ASPM: variants seen among roughly 807,000 people sequenced by gnomAD.
ASPM encodes abnormal spindle-like microcephaly-associated protein.
In ASPM, 256 loss-of-function variants were observed where a neutral mutation model predicts 366.4. That is an observed-to-expected ratio of 0.70 (90% CI 0.63 to 0.77). The LOEUF (loss-of-function observed/expected upper bound fraction) is 0.77. Among genes scored for constraint, ASPM ranks in the 30% least tolerant of loss-of-function variants. The pLI is 0.00. For missense variants in ASPM, 4,146 were observed against 4,090.4 expected (o/e 1.01, Z -0.37); for synonymous variants, 1,414 against 1,342.9 (o/e 1.05, Z -1.16).
In ASPM at chr1:197,089,982, G is replaced by C; in HGVS notation, c.9932C>G (p.Pro3311Arg). 6.2e-7 allele frequency: 1 copy of C among 1,613,196 alleles called. No homozygotes were observed. The highest frequency in any genetic ancestry group is 1.1e-5 in the South Asian group (1 of 91,060). ...AGCATATCTGATGACTTCCATACAA[G>C]GAATACTGCGATTACAACTTCGGAT... ...VLIRSCNRSI[P>R]CMEVIRYAVQ... The change falls in exon 25 of 28, where the codon CCT becomes CGT. Residue 3311 changes from proline to arginine, a missense_variant. Around this residue, in one of 3 missense-constraint regions of ASPM, gnomAD observed 3,624 missense variants for 3,591.7 expected, o/e 1.01. Transcript: ENST00000367409.
chr1:197,101,861 T>C lies in ASPM; in HGVS notation c.7390A>G (p.Ile2464Val). The change falls in exon 18 of 28, where the codon ATA (isoleucine) becomes GTA (valine). Residue 2464 changes from isoleucine to valine, a missense_variant. Ile to Val is a conservative substitution (Grantham distance 29). Around this residue, in one of 3 missense-constraint regions of ASPM, gnomAD observed 3,624 missense variants for 3,591.7 expected, o/e 1.01. Coordinates refer to ENST00000367409, the MANE Select transcript of ASPM (RefSeq NM_018136.5). ...ATCAGTCTTCTGTAAGATGACTGTA[T>C]TGTAATGGCTGCCTTTCTTAAGTGC... ...FLHLRKAAIT[I>V]QSSYRRLMVK... 2 of 1,612,856 alleles carry C rather than the reference T, an allele frequency of 1.2e-6. No individual in the cohort carries two copies. Among genetic ancestry groups the C allele is most frequent in the Non-Finnish European group, 1.7e-6 (2 of 1,179,314 alleles).
rs757095223 is a variant in ASPM at position 197,122,028 on chromosome 1, A to C, written c.3757T>G (p.Leu1253Val). 6 of 1,612,400 alleles carry C rather than the reference A, an allele frequency of 3.7e-6. No homozygotes were observed. Among genetic ancestry groups the C allele is most frequent in the Non-Finnish European group, 3.4e-6 (4 of 1,178,874 alleles). Residue 1253 changes from leucine to valine, a missense_variant, in exon 16 of 28, where the codon TTG becomes GTG. Around this residue, in one of 3 missense-constraint regions of ASPM, gnomAD observed 3,624 missense variants for 3,591.7 expected, o/e 1.01. Transcript: ENST00000367409. Reference sequence around the variant, plus strand: ...AAAAGCCTTGCACAAAGAAATGACAAATAGGTAATAACCACCTAAAAAAAA... The same window carrying C: ...AAAAGCCTTGCACAAAGAAATGACACATAGGTAATAACCACCTAAAAAAAA... ...IPDEKVVITY[L>V]SFLCARLLDL...
chr1:197,122,626 C>T (rs375657127), intron 13 of ASPM, 31 bp from the exon 14 acceptor site: 208 of 1,536,548 alleles, frequency 1.4e-4, no homozygotes, highest in African/African-American at 8.6e-4. Flanking sequence ...AACAATTAAC[C>T]GCATTTAGAA....
chr1:197,112,777 T>C (rs1412692541), intron 17 of ASPM, among the ~76,000 whole-genome samples: 1 of 152,134 alleles, frequency 6.6e-6, no homozygotes, highest in Non-Finnish European at 1.5e-5. Flanking sequence ...CATATATTGA[T>C]TGATGTCTCA....
Position 197,093,052 on chromosome 1 carries a change from T to C in ASPM, c.9294A>G (p.Arg3098=). 6.3e-7 allele frequency: 1 copy of C among 1,599,550 alleles called. No homozygotes were observed. The highest frequency in any genetic ancestry group is 8.6e-7 in the Non-Finnish European group (1 of 1,168,038). ...AGATATGCTACTTGAAAATACTTAC[T>C]CTTTTTCGTACTAGCCAACCACGCA... ...ALVRGWLVRK[R]FLEQRAKIRL... is the part of the protein sequence containing the mutation. Residue 3098 remains arginine (R), a splice_region_variant and synonymous_variant, in exon 21 of 28, where the codon AGA becomes AGG. Coordinates refer to ENST00000367409, the MANE Select transcript of ASPM (RefSeq NM_018136.5).
chr1:197,130,149 T>A, intron 7 of ASPM, 93 bp from the exon 8 acceptor site: 2 of 1,320,732 alleles, frequency 1.5e-6, no homozygotes, highest in Non-Finnish European at 2.1e-6. Context: ...CCTAAGGAAC[T>A]GGCAATGTTC....
At position 197,124,242 on chromosome 1, in the gene ASPM, T is replaced by G. The variant is rs778336171; in HGVS notation, c.3258A>C (p.Leu1086=). ...TKSIKKTISL[L]SCHSDDLINK... is the part of the protein sequence containing the mutation. ...TAATAAGATCATCAGAATGGCATGATAGTAGAGATATTGTTTTCTTTATAC... is the reference window on the plus strand; with the variant it reads ...TAATAAGATCATCAGAATGGCATGAGAGTAGAGATATTGTTTTCTTTATAC... Residue 1086 remains leucine, a synonymous_variant, in exon 13 of 28, where the codon CTA becomes CTC. Transcript: ENST00000367409. The G allele has an allele frequency of 1.3e-5, 21 of 1,608,396 alleles. No individual in the cohort carries two copies. The highest frequency in any genetic ancestry group is 4.0e-5 in the African/African-American group (3 of 74,738).
At chr1:197,088,221 ATAATCT>A in intron 26 of ASPM, 29 bp downstream of exon 26, 1 of 1,594,234 alleles carries the variant, frequency 6.3e-7, no homozygotes, top group Non-Finnish European at 8.6e-7. Flanking sequence ...CCACAGAAAA[ATAATCT>A]TAAAGAAAGG....
intron 17 of ASPM, among the ~76,000 whole-genome samples, chr1:197,106,545 C>T (rs1249062914): frequency 2.0e-5 from 3 of 151,978 alleles, no homozygotes; most frequent in Non-Finnish European, 4.4e-5. Context: ...TTGTTTTATA[C>T]TTTAATAATC....
chr1:197,107,452 C>T (rs966299500), intron 17 of ASPM, among the ~76,000 whole-genome samples: 4 of 152,124 alleles, frequency 2.6e-5, no homozygotes, highest in African/African-American at 7.2e-5. Context: ...AAAATATCAA[C>T]ATTCTCCATA....
In ASPM at chr1:197,143,447, CTT is replaced by C. The variant is rs587783277; in HGVS notation, c.803_804del (p.Lys268SerfsTer4). ...GTTACAGCTTTCTCATTAAAAGAAACTTTTGAAACGTTGGCACTGTGTACATT... is the reference window on the plus strand; with the variant it reads ...GTTACAGCTTTCTCATTAAAAGAAACTTGAAACGTTGGCACTGTGTACATT... ...LLNVHSANVS[K>X]VSFNEKAVTE... On this transcript the variant is annotated frameshift_variant, in exon 3 of 28. Coordinates refer to ENST00000367409, the MANE Select transcript of ASPM (RefSeq NM_018136.5). LOFTEE classifies it high-confidence loss of function. The C allele has an allele frequency of 6.2e-7, 1 of 1,613,956 alleles. No individual in the cohort carries two copies. Among genetic ancestry groups the C allele is most frequent in the Non-Finnish European group, 8.5e-7 (1 of 1,179,884 alleles).
rs777875770 is a variant in ASPM at position 197,084,303 on chromosome 1, T to C, written c.*21A>G. On this transcript the variant is annotated 3_prime_UTR_variant, in exon 28 of 28. Transcript: ENST00000367409. ...CTTTAATATTTCTTTACACTATACA[T>C]ACTGAAAATGTTTACATTTACTAAT... is the stretch of plus-strand genomic sequence containing the variant. 17 of 1,532,550 alleles carry C rather than the reference T, an allele frequency of 1.1e-5. No homozygotes were observed. Among genetic ancestry groups the C allele is most frequent in the Middle Eastern group, 1.7e-4 (1 of 5,936 alleles). The allele number at this position is 1,532,550 out of a possible 1,614,324, so 94.9% of individuals were successfully genotyped here.
Position 197,103,320 on chromosome 1 carries a change from TATG to T in ASPM, c.5928_5930del (p.Ile1977del), listed in dbSNP as rs1340377725. The T allele has an allele frequency of 1.9e-6, 3 of 1,613,248 alleles. No homozygotes were observed. In the South Asian group the frequency reaches 3.3e-5, roughly 18 times the overall value. The stretch of plus-strand genomic sequence containing the variant: ...GCACATGCATTCTATAGTATGACTG[TATG>T]ATGATAGCACATTTATGTTGCCTTT... On this transcript the variant is annotated inframe_deletion, in exon 18 of 28. Coordinates refer to ENST00000367409, the MANE Select transcript of ASPM (RefSeq NM_018136.5).
intron 21 of ASPM, 95 bp from the exon 22 acceptor site, chr1:197,092,151 A>C (rs987630748): frequency 8.2e-7 from 1 of 1,218,854 alleles, no homozygotes; most frequent in Non-Finnish European, 1.2e-6. Flanking sequence ...AAATTATATA[A>C]ACTAGCAAGA....
At position 197,090,347 on chromosome 1, in the gene ASPM, ACAAT is replaced by A; in HGVS notation, c.9674_9677del (p.Asp3225ValfsTer9). ...TTAGTCGTATAGCTTTAATTTTTGT[ACAAT>A]CATTTTTCTTCCTCCAAGAATAGCC... On this transcript the variant is annotated frameshift_variant, in exon 24 of 28. Transcript: ENST00000367409. LOFTEE classifies it high-confidence loss of function. The A allele has an allele frequency of 6.2e-7, 1 of 1,612,214 alleles. No individual in the cohort carries two copies. Among genetic ancestry groups the A allele is most frequent in the Non-Finnish European group, 8.5e-7 (1 of 1,178,946 alleles).
chr1:197,111,583 C>A (rs1657586556), intron 17 of ASPM, among the ~76,000 whole-genome samples: 1 of 152,048 alleles, frequency 6.6e-6, no homozygotes, highest in East Asian at 1.9e-4. Context: ...GGGGTATATA[C>A]CCAAAGAAAA....
intron 8 of ASPM, 149 bp from the exon 9 acceptor site, chr1:197,129,466 CT>C: frequency 1.2e-6 from 1 of 809,278 alleles, no homozygotes; most frequent in Non-Finnish European, 2.0e-6. Flanking sequence ...TTTTTTAGTG[CT>C]TTATGTGTAT....
chr1:197,101,234 G>A lies in ASPM; in HGVS notation c.8017C>T (p.Gln2673Ter), dbSNP rs587783275. The A allele has an allele frequency of 4.3e-6, 7 of 1,612,084 alleles. No individual in the cohort carries two copies. The highest frequency in any genetic ancestry group is 5.9e-6 in the Non-Finnish European group (7 of 1,179,004). The part of the protein sequence containing the change: ...AVRTQAVICI[Q>*]SYYRGFKVRK... ...ACTTTAAAGCCTCTGTAATAAGACT[G>A]TATACAAATAACTGCTTGGGTACGC... is the stretch of plus-strand genomic sequence containing the variant. Residue 2673 changes from glutamine to a stop codon, truncating the protein, a stop_gained, in exon 18 of 28, where the codon CAG becomes TAG. Coordinates refer to ENST00000367409, the MANE Select transcript of ASPM (RefSeq NM_018136.5). LOFTEE classifies it high-confidence loss of function.
In ASPM at chr1:197,125,098, G is replaced by C. The variant is rs780515205; in HGVS notation, c.3030C>G (p.Asp1010Glu). ...GTGATTTAAGAACTTGAAGAACAAT[G>C]TCAACATTGTGCATCTTTTGAAGAC... is the stretch of plus-strand genomic sequence containing the variant. Reference protein sequence around the residue: ...ISRLQKMHNVDIVLQVLKSRG... With the variant: ...ISRLQKMHNVEIVLQVLKSRG... Residue 1010 changes from aspartate to glutamate, a missense_variant, in exon 11 of 28, where the codon GAC becomes GAG. Asp to Glu is a conservative substitution (Grantham distance 45, BLOSUM62 2). This residue lies in a region of ASPM where 3,624 missense variants were observed against 3,591.7 expected (regional missense o/e 1.01). Coordinates refer to ENST00000367409, the MANE Select transcript of ASPM (RefSeq NM_018136.5). The C allele has an allele frequency of 6.2e-7, 1 of 1,613,970 alleles. No individual in the cohort carries two copies. The highest frequency in any genetic ancestry group is 8.5e-7 in the Non-Finnish European group (1 of 1,179,950).
Sources: allele counts gnomAD v4.1 joint callset (sites outside exome capture counted in the v4.1 genomes callset), GRCh38; gene constraint gnomAD v4.1.1; regional missense constraint gnomAD v4.1.1; transcripts MANE v1.5; gene names NCBI Gene and HGNC (gene_info 2026-07-23, HGNC 2026-07-21).